Variants in SYT7 observed in about 807,000 individuals in gnomAD.
The protein encoded by SYT7 is synaptotagmin-7.
SYT7 carries 29 observed loss-of-function variants against 75.1 expected under a neutral mutation model. The ratio of observed to expected loss-of-function variants is 0.39; its 90% CI spans 0.29 to 0.53. The LOEUF (loss-of-function observed/expected upper bound fraction) is 0.53, where lower values mean the gene tolerates loss of function less well. Among genes scored for constraint, SYT7 ranks in the 20% least tolerant of loss-of-function variants. The pLI, the probability that SYT7 is intolerant of heterozygous loss-of-function variation, is 0.77. For synonymous variants in SYT7, 376 were observed against 401.7 expected, an observed-to-expected ratio of 0.94 and a Z score of 0.76; for missense variants, 693 against 953.2, an observed-to-expected ratio of 0.73 and a Z score of 3.59.
chr11:61,566,723 T>TTAATGAATAATTAAG (rs1489779358), intron 1 of SYT7, among the ~76,000 whole-genome samples: 6 of 152,208 alleles, frequency 3.9e-5, no homozygotes, highest in Non-Finnish European at 7.3e-5. Flanking sequence ...CCTTGACCAC[T>TTAATGAATAATTAAG]AGTTACTCCT....
chr11:61,529,476 T>TGGCCAA, intron 8 of SYT7, among the ~76,000 whole-genome samples: 1 of 152,220 alleles, frequency 6.6e-6, no homozygotes, highest in South Asian at 2.1e-4. Flanking sequence ...TGAAGTCACA[T>TGGCCAA]GGCCAAGGCT....
At chr11:61,571,510 G>A (rs1282078421) in intron 1 of SYT7, among the ~76,000 whole-genome samples, 1 of 152,222 alleles carries the variant, frequency 6.6e-6, no homozygotes, top group African/African-American at 2.4e-5. Flanking sequence ...TGGCAGTGAC[G>A]TGGGCCACCA....
intron 8 of SYT7, among the ~76,000 whole-genome samples, chr11:61,530,475 G>A (rs2062672523): frequency 6.6e-6 from 1 of 152,158 alleles, no homozygotes; most frequent in South Asian, 2.1e-4. Context: ...TGCAGAGTGG[G>A]GACCATGAGA....
chr11:61,537,354 C>T (rs576394594), intron 7 of SYT7, among the ~76,000 whole-genome samples: 25 of 151,174 alleles, frequency 1.7e-4, no homozygotes, highest in Admixed American at 2.0e-4. Flanking sequence ...CTCCCTGAGA[C>T]GGAGACAGTA....
At chr11:61,548,832 G>A (rs1457767767) in intron 3 of SYT7, among the ~76,000 whole-genome samples, 1 of 152,254 alleles carries the variant, frequency 6.6e-6, no homozygotes, top group African/African-American at 2.4e-5. Flanking sequence ...TGAGATGGTG[G>A]CGTTGGGCAT....
intron 3 of SYT7, among the ~76,000 whole-genome samples, chr11:61,548,006 GCTCT>G (rs1360855342): frequency 6.6e-6 from 1 of 152,182 alleles, no homozygotes; most frequent in Admixed American, 6.5e-5. Flanking sequence ...GGCTTCCTCT[GCTCT>G]CTCTTCTACT....
At chr11:61,566,327 G>C (rs2063767494) in intron 1 of SYT7, among the ~76,000 whole-genome samples, 1 of 152,132 alleles carries the variant, frequency 6.6e-6, no homozygotes, top group Non-Finnish European at 1.5e-5. Context: ...CACAATTCCT[G>C]GCCTAGGGAG....
chr11:61,537,141 C>G (rs767184562), intron 7 of SYT7, among the ~76,000 whole-genome samples: 2 of 152,220 alleles, frequency 1.3e-5, no homozygotes, highest in African/African-American at 2.4e-5. Context: ...TGCTCCCTTG[C>G]AGGCCTTTGG....
upstream of SYT7, among the ~76,000 whole-genome samples, chr11:61,583,202 G>A (rs952598462): frequency 6.6e-5 from 10 of 151,886 alleles, no homozygotes; most frequent in Non-Finnish European, 1.2e-4. Flanking sequence ...CCTCCAACCC[G>A]GGCAACAGAG....
At chr11:61,541,358 C>G in intron 6 of SYT7, 4 of 965,976 alleles carry the variant, frequency 4.1e-6, no homozygotes, top group Non-Finnish European at 4.9e-6. Context: ...GCAGCCCAGA[C>G]CTGTCTTAGG....
chr11:61,521,260 G>A (rs1206640611), intron 12 of SYT7, among the ~76,000 whole-genome samples: 2 of 152,242 alleles, frequency 1.3e-5, no homozygotes, highest in Non-Finnish European at 2.9e-5. Context: ...AAGTTACCAG[G>A]CCAAAGTGAG....
chr11:61,572,168 C>T lies in SYT7; in HGVS notation c.31+8622G>A, dbSNP rs2135431550. Among the ~76,000 whole-genome samples the T allele has an allele frequency of 2.6e-5, 4 of 152,232 alleles. 1 individual carries two copies. The highest frequency in any genetic ancestry group is 6.8e-3 in the Middle Eastern group (2 of 294). ...CAGGCTCCTCCAGGGCTGGCAGGTG[C>T]CAAGGAGGGAGAGAGGGGTTCCTCC... On this transcript the variant is annotated intron_variant, in intron 1 of 12. Coordinates refer to ENST00000539008, the MANE Select transcript of SYT7 (RefSeq NM_001365809.2).
intron 1 of SYT7, among the ~76,000 whole-genome samples, chr11:61,578,870 G>A (rs2064157694): frequency 6.6e-6 from 1 of 152,220 alleles, no homozygotes; most frequent in Non-Finnish European, 1.5e-5. Context: ...CTGCAACTGG[G>A]GTGGGCAAGA....
chr11:61,527,627 A>C (rs993594807), intron 9 of SYT7, among the ~76,000 whole-genome samples: 16 of 152,124 alleles, frequency 1.1e-4, no homozygotes. Flanking sequence ...TGCTGGCTCC[A>C]TTGGGCTCCT....
At position 61,551,047 on chromosome 11, in the gene SYT7, C is replaced by T. The variant is rs2063333433; in HGVS notation, c.215+337G>A. ...GGCCCCATGAGAGGGGCTTGGAGGT[C>T]CAGGGAAGCCGGCGGGTGGTGGGCA... On this transcript the variant is annotated intron_variant, in intron 3 of 12. Coordinates refer to ENST00000539008, the MANE Select transcript of SYT7 (RefSeq NM_001365809.2). The surrounding 1 kb of genome is among the most constrained non-coding windows in gnomAD (Gnocchi z 5.3). Among the ~76,000 whole-genome samples, 1 of 152,054 alleles carries T rather than the reference C, an allele frequency of 6.6e-6. No homozygotes were observed. The highest frequency in any genetic ancestry group is 1.5e-5 in the Non-Finnish European group (1 of 67,992).
Position 61,573,342 on chromosome 11 carries a change from C to G in SYT7, c.31+7448G>C, listed in dbSNP as rs114248805. Among the ~76,000 whole-genome samples, 414 of 152,370 alleles carry G rather than the reference C, an allele frequency of 2.7e-3. 3 individuals are homozygous for G. The highest frequency in any genetic ancestry group is 9.6e-3 in the African/African-American group (400 of 41,596). On this transcript the variant is annotated intron_variant, in intron 1 of 12. Transcript: ENST00000539008. The stretch of plus-strand genomic sequence containing the variant: ...GGGAAGCCCCCTCAGGGTGTTCATT[C>G]ATGCCCACCTGCATCCGGCTACCCC...
intron 2 of SYT7, among the ~76,000 whole-genome samples, chr11:61,555,817 G>A (rs1479847839): frequency 6.6e-6 from 1 of 152,128 alleles, no homozygotes; most frequent in Non-Finnish European, 1.5e-5. Context: ...GCGTGCGAAT[G>A]CCTGTGAGTC....
intron 7 of SYT7, among the ~76,000 whole-genome samples, chr11:61,535,219 T>A (rs1024293199): frequency 6.6e-6 from 1 of 152,000 alleles, no homozygotes; most frequent in African/African-American, 2.4e-5. Context: ...GCCAAGAAAG[T>A]TAGTCAGAGA....
At chr11:61,548,132 G>C (rs1270872809) in intron 3 of SYT7, among the ~76,000 whole-genome samples, 1 of 152,218 alleles carries the variant, frequency 6.6e-6, no homozygotes, top group Non-Finnish European at 1.5e-5. Flanking sequence ...CCCCTGAAAG[G>C]GGAGCATTCC....
Sources: allele counts gnomAD v4.1 joint callset (sites outside exome capture counted in the v4.1 genomes callset), GRCh38; gene constraint gnomAD v4.1.1; non-coding constraint Gnocchi (gnomAD v3.1); transcripts MANE v1.5; gene names NCBI Gene and HGNC (gene_info 2026-07-23, HGNC 2026-07-21).